The following TOX variants were observed in gnomAD, a reference collection of about 807,000 sequenced individuals.
TOX encodes the protein thymocyte selection-associated high mobility group box protein TOX.
In TOX, 11 loss-of-function variants were observed where a neutral mutation model predicts 53.7. That is an observed-to-expected ratio of 0.20 (90% CI 0.13 to 0.34). The LOEUF is 0.34. Ranked by LOEUF, TOX falls within the 10% of genes least tolerant of loss-of-function variation. The pLI is 1.00. For missense variants in TOX, 570 were observed against 664.6 expected (o/e 0.86, Z 1.56); for synonymous variants, 225 against 245.3 (o/e 0.92, Z 0.77).
At chr8:58,914,563 T>C (rs1161267490) in intron 3 of TOX, among the ~76,000 whole-genome samples, 2 of 152,118 alleles carry the variant, frequency 1.3e-5, no homozygotes, top group Admixed American at 1.3e-4. Context: ...GGGACAGAAA[T>C]ACTGGCATCT....
In TOX at chr8:58,840,788, C is replaced by T. The variant is rs56143730; in HGVS notation, c.694-2477G>A. Among the ~76,000 whole-genome samples, 190 of 152,154 alleles carry T rather than the reference C, an allele frequency of 1.2e-3. 1 individual carries two copies. Among genetic ancestry groups the T allele is most frequent in the African/African-American group, 2.6e-3 (107 of 41,492 alleles). On this transcript the variant is annotated intron_variant, in intron 4 of 8. Coordinates refer to ENST00000361421, the MANE Select transcript of TOX (RefSeq NM_014729.3). The stretch of plus-strand genomic sequence containing the variant: ...AACCTACTTCCGTGTGCTTTCCTGT[C>T]GATTAGCTCTCAATTAGATCTCCAC...
chr8:58,981,302 G>A (rs779597544), intron 1 of TOX, among the ~76,000 whole-genome samples: 13 of 151,386 alleles, frequency 8.6e-5, no homozygotes, highest in South Asian at 2.1e-4. Flanking sequence ...TCTAGTCGTC[G>A]TTCCACTGTC....
chr8:58,838,357 T>C (rs548636689), intron 4 of TOX, 46 bp from the exon 5 acceptor site: 25 of 1,513,646 alleles, frequency 1.7e-5, no homozygotes, highest in Middle Eastern at 1.7e-4. Flanking sequence ...TGAGACAATT[T>C]GGGGACAAGA....
At chr8:58,928,525 T>C (rs1318795359) in intron 3 of TOX, among the ~76,000 whole-genome samples, 1 of 152,158 alleles carries the variant, frequency 6.6e-6, no homozygotes, top group Non-Finnish European at 1.5e-5. Flanking sequence ...GAAAGAAAGA[T>C]ACATACATAT....
chr8:58,943,596 G>A (rs1316494193), intron 2 of TOX, among the ~76,000 whole-genome samples: 1 of 142,796 alleles, frequency 7.0e-6, no homozygotes, highest in Non-Finnish European at 1.5e-5. Flanking sequence ...GAGACAAGAG[G>A]ACTACTTTTT....
chr8:59,083,229 T>C (rs940651750), intron 1 of TOX, among the ~76,000 whole-genome samples: 6 of 152,362 alleles, frequency 3.9e-5, no homozygotes, highest in African/African-American at 1.4e-4. Context: ...AAATGCACTT[T>C]GTAAATTTTT....
chr8:59,091,011 C>T (rs760557217), intron 1 of TOX, among the ~76,000 whole-genome samples: 3 of 152,166 alleles, frequency 2.0e-5, no homozygotes, highest in Non-Finnish European at 4.4e-5. Flanking sequence ...TGCTCCTTCT[C>T]CAGCGGCGTT....
chr8:59,055,078 A>G (rs531433175), intron 1 of TOX, among the ~76,000 whole-genome samples: 8 of 152,288 alleles, frequency 5.3e-5, no homozygotes, highest in African/African-American at 9.6e-5. Context: ...CAGTTTTCCA[A>G]GGACTTTTCT....
At chr8:59,072,055 A>G (rs1248339893) in intron 1 of TOX, among the ~76,000 whole-genome samples, 1 of 152,146 alleles carries the variant, frequency 6.6e-6, no homozygotes, top group Non-Finnish European at 1.5e-5. Flanking sequence ...ATTTTCTTAT[A>G]TTCTCCTTCC....
chr8:59,117,993 C>T lies in TOX; in HGVS notation c.102+893G>A, dbSNP rs1299749677. Among the ~76,000 whole-genome samples, 1 of 152,162 alleles carries T rather than the reference C, an allele frequency of 6.6e-6. No homozygotes were observed. Among genetic ancestry groups the T allele is most frequent in the Admixed American group, 6.5e-5 (1 of 15,282 alleles). ...GAGAAGCCGGGAGAGTAACCCCCTC[C>T]CTCGTACCCCCTGACTGTCCTATAG... is the stretch of plus-strand genomic sequence containing the variant. On this transcript the variant is annotated intron_variant, in intron 1 of 8. Transcript: ENST00000361421. The surrounding 1 kb of genome is among the most constrained non-coding windows in gnomAD (Gnocchi z 4.6).
intron 3 of TOX, among the ~76,000 whole-genome samples, chr8:58,935,547 T>C (rs1027370553): frequency 6.6e-6 from 1 of 152,206 alleles, no homozygotes; most frequent in Non-Finnish European, 1.5e-5. Context: ...TTTTATTAGT[T>C]GTTCTCATAT....
At chr8:59,089,011 GATAAA>G (rs549188503) in intron 1 of TOX, among the ~76,000 whole-genome samples, 31 of 152,234 alleles carry the variant, frequency 2.0e-4, no homozygotes, top group African/African-American at 7.0e-4. Flanking sequence ...CCAAGTTTAA[GATAAA>G]ATAAGTACAG....
intron 3 of TOX, among the ~76,000 whole-genome samples, chr8:58,899,394 C>G (rs536393644): frequency 6.6e-6 from 1 of 152,274 alleles, no homozygotes; most frequent in East Asian, 1.9e-4. Flanking sequence ...TATAAATTCT[C>G]TCTCTTTTGA....
At chr8:58,848,996 A>G (rs1036703675) in intron 4 of TOX, among the ~76,000 whole-genome samples, 2 of 152,150 alleles carry the variant, frequency 1.3e-5, no homozygotes, top group African/African-American at 4.8e-5. Flanking sequence ...GCTATTTCAC[A>G]TTTAACTGGA....
chr8:59,032,618 G>T (rs1398400691), intron 1 of TOX, among the ~76,000 whole-genome samples: 1 of 152,096 alleles, frequency 6.6e-6, no homozygotes, highest in Non-Finnish European at 1.5e-5. Flanking sequence ...TGCTTTGTGA[G>T]TCCAGGCAAT....
At chr8:59,003,685 A>G (rs748772475) in intron 1 of TOX, among the ~76,000 whole-genome samples, 1 of 152,244 alleles carries the variant, frequency 6.6e-6, no homozygotes, top group African/African-American at 2.4e-5. Context: ...ATGAAAATCA[A>G]TTTGAAATAT....
chr8:59,106,037 A>G (rs1036671583), intron 1 of TOX, among the ~76,000 whole-genome samples: 12 of 152,196 alleles, frequency 7.9e-5, no homozygotes, highest in African/African-American at 2.9e-4. Context: ...GATAGCAGAA[A>G]TGAATCTTCA....
intron 3 of TOX, among the ~76,000 whole-genome samples, chr8:58,925,710 C>T (rs1812147334): frequency 6.6e-6 from 1 of 152,202 alleles, no homozygotes; most frequent in Non-Finnish European, 1.5e-5. Flanking sequence ...TGCCCTCAGA[C>T]ACATCTGATT....
chr8:58,835,831 T>C (rs776219903), intron 5 of TOX, among the ~76,000 whole-genome samples: 5 of 152,066 alleles, frequency 3.3e-5, no homozygotes, highest in Non-Finnish European at 7.4e-5. Context: ...GAGCAGGCGA[T>C]TGATGTTTCC....
Sources: gnomAD v4.1 joint callset for allele counts (sites outside exome capture counted in the v4.1 genomes callset) on GRCh38, gnomAD v4.1.1 for gene constraint, Gnocchi (gnomAD v3.1) non-coding constraint, MANE v1.5 for transcripts, NCBI Gene and HGNC (gene_info 2026-07-23, HGNC 2026-07-21) for gene names.